HTR2C: variants seen among roughly 807,000 people sequenced by gnomAD.
HTR2C encodes the protein 5-hydroxytryptamine receptor 2C.
In HTR2C, 5 loss-of-function variants were observed where a neutral mutation model predicts 21.0. The observed-to-expected ratio is 0.24, with a 90% CI of 0.12 to 0.50. HTR2C has a LOEUF of 0.50. Among genes scored for constraint, HTR2C ranks in the 20% least tolerant of loss-of-function variants. HTR2C has a pLI of 0.98. For synonymous variants in HTR2C, 150 were observed against 145.3 expected (o/e 1.03, Z -0.23); for missense variants, 271 against 371.2 (o/e 0.73, Z 2.22).
At chrX:114,749,511 A>T (rs1246426773) in intron 4 of HTR2C, among the ~76,000 whole-genome samples, 1 of 106,673 alleles carries the variant, frequency 9.4e-6, no homozygotes, top group Non-Finnish European at 1.9e-5. Flanking sequence ...GTCTTACAGT[A>T]GAGAGGCTCA....
chrX:114,749,468 A>G (rs1197124325), intron 4 of HTR2C, among the ~76,000 whole-genome samples: 2 of 105,638 alleles, frequency 1.9e-5, no homozygotes, highest in African/African-American at 6.9e-5. Context: ...AAAAAAAAAA[A>G]AAAAAAAAGA....
chrX:114,708,012 A>G (rs1442188482), intron 2 of HTR2C, among the ~76,000 whole-genome samples: 1 of 111,419 alleles, frequency 9.0e-6, no homozygotes, highest in Non-Finnish European at 1.9e-5. Flanking sequence ...AAAGTAAAAA[A>G]TCCAGTTAAA....
At chrX:114,836,387 G>A (rs995507024) in intron 4 of HTR2C, among the ~76,000 whole-genome samples, 2 of 112,865 alleles carry the variant, frequency 1.8e-5, no homozygotes, top group Admixed American at 1.9e-4. Flanking sequence ...CTCCAAACCA[G>A]GTGCGGGATA....
chrX:114,770,861 G>T (rs1404701302), intron 4 of HTR2C, among the ~76,000 whole-genome samples: 2 of 99,520 alleles, frequency 2.0e-5, no homozygotes, highest in African/African-American at 7.6e-5. Flanking sequence ...GAGTGCAGTG[G>T]CATGACCTCA....
At chrX:114,642,519 AAACTT>A (rs1930175685) in intron 2 of HTR2C, among the ~76,000 whole-genome samples, 1 of 112,334 alleles carries the variant, frequency 8.9e-6, no homozygotes, top group Admixed American at 9.4e-5. Flanking sequence ...AAAGTTTAAA[AAACTT>A]AAGCAAATAT....
intron 4 of HTR2C, among the ~76,000 whole-genome samples, chrX:114,772,637 A>G (rs2070017621): frequency 9.0e-6 from 1 of 111,325 alleles, no homozygotes; most frequent in Admixed American, 9.7e-5. Flanking sequence ...AAACAGCCCT[A>G]TTCATGTCTT....
chrX:114,636,034 C>T (rs1929829098), intron 2 of HTR2C, among the ~76,000 whole-genome samples: 1 of 108,856 alleles, frequency 9.2e-6, no homozygotes, highest in African/African-American at 3.4e-5. Flanking sequence ...AGGCTGCAGC[C>T]AACTCAGCTG....
At chrX:114,900,607 G>A (rs1475771457) in intron 5 of HTR2C, 2 of 110,937 alleles carry the variant, frequency 1.8e-5, no homozygotes, top group Admixed American at 1.9e-4. Flanking sequence ...GGTTTTCTAG[G>A]TATCCTTGAA....
At chrX:114,779,975 C>A (rs781973212) in intron 4 of HTR2C, among the ~76,000 whole-genome samples, 2 of 110,137 alleles carry the variant, frequency 1.8e-5, no homozygotes, top group East Asian at 2.9e-4. Context: ...GGAAGTTCAA[C>A]CAACCATAGA....
intron 1 of HTR2C, among the ~76,000 whole-genome samples, chrX:114,599,838 C>T (rs992696959): frequency 8.9e-6 from 1 of 111,824 alleles, no homozygotes. Flanking sequence ...AGTACATAGC[C>T]CACAGCAATC....
At chrX:114,784,490 G>A (rs1408761689) in intron 4 of HTR2C, among the ~76,000 whole-genome samples, 1 of 110,396 alleles carries the variant, frequency 9.1e-6, no homozygotes, top group Non-Finnish European at 1.9e-5. Flanking sequence ...TCTTTCTGGA[G>A]TGTCTAAAGG....
intron 4 of HTR2C, among the ~76,000 whole-genome samples, chrX:114,814,891 TTATAA>T (rs1421043480): frequency 8.9e-5 from 9 of 101,676 alleles, no homozygotes; most frequent in East Asian, 2.9e-4. Context: ...AGAATATATA[TTATAA>T]TATTATATAG....
At chrX:114,841,595 G>T (rs782055206) in intron 4 of HTR2C, among the ~76,000 whole-genome samples, 2 of 110,586 alleles carry the variant, frequency 1.8e-5, no homozygotes, top group Non-Finnish European at 3.8e-5. Context: ...CAAAAAATTC[G>T]CCTGGAGCGA....
At position 114,696,929 on chromosome X, in the gene HTR2C, A is replaced by G. The variant is rs782474604; in HGVS notation, c.-79-29929A>G. ...CTGCAGGGAAAGGATTTAAAAACAT[A>G]ATAATCCTGCCAGTCCTTTGAACAG... On this transcript the variant is annotated intron_variant, in intron 2 of 5. Transcript: ENST00000276198. 1.6e-4 allele frequency among the ~76,000 whole-genome samples: 18 copies of G among 111,704 alleles called. No individual in the cohort carries two copies. The South Asian group carries it at 6.4e-3, about 39-fold the overall frequency.
chrX:114,804,003 A>G, intron 4 of HTR2C, among the ~76,000 whole-genome samples: 1 of 112,286 alleles, frequency 8.9e-6, no homozygotes, highest in South Asian at 3.6e-4. Flanking sequence ...GAGATATAAT[A>G]GTAAACAAAT....
chrX:114,756,909 A>T (rs1322663851), intron 4 of HTR2C, among the ~76,000 whole-genome samples: 1 of 111,770 alleles, frequency 8.9e-6, no homozygotes, highest in African/African-American at 3.2e-5. Context: ...ATCTTTAAAT[A>T]AAAATTTTAA....
intron 4 of HTR2C, among the ~76,000 whole-genome samples, chrX:114,739,683 A>G (rs994287172): frequency 7.1e-5 from 8 of 112,314 alleles, no homozygotes; most frequent in South Asian, 3.6e-4. Flanking sequence ...CATAGAAAAT[A>G]GTTGCAAAAT....
At chrX:114,733,413 AT>A (rs1462061848) in intron 4 of HTR2C, among the ~76,000 whole-genome samples, 32 of 106,612 alleles carry the variant, frequency 3.0e-4, no homozygotes, top group South Asian at 4.1e-4. Flanking sequence ...CCATAAAAAA[AT>A]TTAAAAAAAA....
At chrX:114,697,414 T>C (rs1260912017) in intron 2 of HTR2C, among the ~76,000 whole-genome samples, 1 of 112,506 alleles carries the variant, frequency 8.9e-6, no homozygotes, top group African/African-American at 3.2e-5. Flanking sequence ...CTTGTTCAAA[T>C]CCAATAAAGT....
Sources: gnomAD v4.1 joint callset for allele counts (sites outside exome capture counted in the v4.1 genomes callset) on GRCh38, gnomAD v4.1.1 for gene constraint, MANE v1.5 for transcripts, NCBI Gene and HGNC (gene_info 2026-07-23, HGNC 2026-07-21) for gene names.